GABRB1: variants seen among roughly 807,000 people sequenced by gnomAD.
GABRB1 encodes the protein gamma-aminobutyric acid receptor subunit beta-1.
GABRB1 carries 17 observed loss-of-function variants against 51.6 expected under a neutral mutation model. The observed-to-expected ratio is 0.33, with a 90% CI of 0.23 to 0.49. The LOEUF is 0.49. Among genes scored for constraint, GABRB1 ranks in the 20% least tolerant of loss-of-function variants. The probability of loss-of-function intolerance (pLI) is 0.99; values close to 1 mark genes in which losing one functional copy is unlikely to be tolerated. For synonymous variants in GABRB1, 247 were observed against 218.9 expected, an observed-to-expected ratio of 1.13 and a Z score of -1.14; for missense variants, 410 against 600.6, an observed-to-expected ratio of 0.68 and a Z score of 3.32.
chr4:47,013,201 T>G (rs1318255792), intron 1 of GABRB1, among the ~76,000 whole-genome samples: 2 of 151,980 alleles, frequency 1.3e-5, no homozygotes, highest in Non-Finnish European at 2.9e-5. Context: ...CAATTACACC[T>G]GATGGTTTTT....
At chr4:47,056,550 G>A (rs1184268234) in intron 3 of GABRB1, among the ~76,000 whole-genome samples, 1 of 152,126 alleles carries the variant, frequency 6.6e-6, no homozygotes, top group Admixed American at 6.5e-5. Flanking sequence ...TCAAACATGA[G>A]TGAGAAGCAA....
intron 4 of GABRB1, among the ~76,000 whole-genome samples, chr4:47,316,053 A>T (rs931088833): frequency 6.8e-6 from 1 of 146,570 alleles, no homozygotes. Context: ...CTTAAAAATT[A>T]TATAATAAAT....
rs571702324 is a variant in GABRB1, at chr4:47,294,225, A to T, written c.462-25902A>T. Among the ~76,000 whole-genome samples, 27 of 152,328 alleles carry T rather than the reference A, an allele frequency of 1.8e-4. No homozygotes were observed. In the East Asian group the frequency reaches 4.1e-3, roughly 23 times the overall value. On this transcript the variant is annotated intron_variant, in intron 4 of 8. Transcript: ENST00000295454. Reference sequence around the variant, plus strand: ...CATTTCCATCTGAGGTACTGGGTTCATCTCACTAGGGAGTGCCAGACAATG... The same window carrying T: ...CATTTCCATCTGAGGTACTGGGTTCTTCTCACTAGGGAGTGCCAGACAATG...
At chr4:47,165,341 C>G (rs1420351508) in intron 4 of GABRB1, among the ~76,000 whole-genome samples, 1 of 151,920 alleles carries the variant, frequency 6.6e-6, no homozygotes, top group Admixed American at 6.6e-5. Context: ...CTGTTGACTC[C>G]CTCTCTTCAG....
intron 5 of GABRB1, among the ~76,000 whole-genome samples, chr4:47,374,755 GT>G (rs998278484): frequency 7.2e-5 from 11 of 151,906 alleles, no homozygotes; most frequent in Admixed American, 3.9e-4. Flanking sequence ...CTGAAGGCAA[GT>G]TTTTTTTTCC....
Position 47,006,845 on chromosome 4 carries a change from C to T in GABRB1, c.-20+12919C>T, listed in dbSNP as rs527397814. On this transcript the variant is annotated intron_variant, in intron 1 of 3. Coordinates refer to the GABRB1 transcript ENST00000513567. ...CCACACTGAATAACAAAACCAATCT[C>T]AAGTTTACTTAAAAGAGATAAACTT... Among the ~76,000 whole-genome samples, 4 of 152,240 alleles carry T rather than the reference C, an allele frequency of 2.6e-5. No individual in the cohort carries two copies. The South Asian group carries it at 8.3e-4, about 32-fold the overall frequency.
chr4:47,077,498 C>A (rs1445330183), intron 3 of GABRB1, among the ~76,000 whole-genome samples: 1 of 151,950 alleles, frequency 6.6e-6, no homozygotes, highest in Non-Finnish European at 1.5e-5. Context: ...CTTAAATATG[C>A]CTTTGAGACA....
intron 3 of GABRB1, among the ~76,000 whole-genome samples, chr4:47,096,454 T>C (rs1453805227): frequency 6.6e-6 from 1 of 152,136 alleles, no homozygotes; most frequent in African/African-American, 2.4e-5. Context: ...AAATAGACGG[T>C]AGATTGCAGT....
At chr4:47,041,787 C>G (rs1725856476) in intron 3 of GABRB1, among the ~76,000 whole-genome samples, 1 of 152,058 alleles carries the variant, frequency 6.6e-6, no homozygotes, top group Non-Finnish European at 1.5e-5. Context: ...CAATGACATT[C>G]ATTTGGAATC....
At chr4:47,404,277 T>C (rs1728494814) in intron 7 of GABRB1, among the ~76,000 whole-genome samples, 1 of 152,156 alleles carries the variant, frequency 6.6e-6, no homozygotes, top group African/African-American at 2.4e-5. Flanking sequence ...AATGATTTCC[T>C]TCTTGGGGGA....
intron 3 of GABRB1, among the ~76,000 whole-genome samples, chr4:47,102,771 T>A (rs553071456): frequency 6.6e-6 from 1 of 151,670 alleles, no homozygotes; most frequent in Non-Finnish European, 1.5e-5. Flanking sequence ...AGCATCAGAG[T>A]AGGATAGTCA....
chr4:47,008,873 T>TTTTTTTTTTTTTTTTTTTTTTTTTTTG (rs1560494518), intron 1 of GABRB1, among the ~76,000 whole-genome samples: 1 of 102,108 alleles, frequency 9.8e-6, no homozygotes, highest in East Asian at 2.9e-4. Flanking sequence ...TTTTTTTTTT[T>TTTTTTTTTTTTTTTTTTTTTTTTTTTG]TTTTTTTTTG....
chr4:47,272,477 G>T (rs1307155127), intron 4 of GABRB1, among the ~76,000 whole-genome samples: 1 of 151,962 alleles, frequency 6.6e-6, no homozygotes, highest in Non-Finnish European at 1.5e-5. Context: ...TATAATTCAT[G>T]CTTCTTTTTT....
At chr4:47,026,108 A>T (rs1396060736) in intron 1 of GABRB1, among the ~76,000 whole-genome samples, 1 of 152,020 alleles carries the variant, frequency 6.6e-6, no homozygotes, top group South Asian at 2.1e-4. Context: ...TGAATTCAGG[A>T]AGTTTGAGAT....
chr4:47,125,691 G>A (rs1716099789), intron 3 of GABRB1, among the ~76,000 whole-genome samples: 1 of 146,264 alleles, frequency 6.8e-6, no homozygotes. Context: ...AAGTAGCTGG[G>A]ACTACAGGCG....
Position 47,303,634 on chromosome 4 carries a change from CAA to C in GABRB1, c.462-16489_462-16488del, listed in dbSNP as rs1357883785. Among the ~76,000 whole-genome samples the C allele has an allele frequency of 3.3e-5, 5 of 151,946 alleles. No individual in the cohort carries two copies. In the East Asian group the frequency reaches 9.6e-4, roughly 29 times the overall value. ...CTTTTTATCATTTATTTTTAACTGA[CAA>C]AAATTGTTTATATTTATTATGTACA... On this transcript the variant is annotated intron_variant, in intron 4 of 8. Coordinates refer to ENST00000295454, the MANE Select transcript of GABRB1 (RefSeq NM_000812.4).
intron 4 of GABRB1, among the ~76,000 whole-genome samples, chr4:47,276,239 T>G (rs1303746006): frequency 6.6e-6 from 1 of 152,146 alleles, no homozygotes; most frequent in South Asian, 2.1e-4. Flanking sequence ...AACATGCAAG[T>G]CATTAAATGT....
chr4:47,001,805 G>A (rs898791178), intron 1 of GABRB1, among the ~76,000 whole-genome samples: 7 of 152,126 alleles, frequency 4.6e-5, no homozygotes, highest in African/African-American at 1.2e-4. Context: ...ACAGTTGTAC[G>A]GGGATATAAA....
intron 5 of GABRB1, among the ~76,000 whole-genome samples, chr4:47,381,137 A>G (rs897309359): frequency 3.3e-5 from 5 of 152,078 alleles, no homozygotes; most frequent in Middle Eastern, 6.4e-3. Flanking sequence ...CCTGAAGTCT[A>G]TTGTAAGCTC....
Sources: allele counts gnomAD v4.1 joint callset (sites outside exome capture counted in the v4.1 genomes callset), GRCh38; gene constraint gnomAD v4.1.1; transcripts MANE v1.5; gene names NCBI Gene and HGNC (gene_info 2026-07-23, HGNC 2026-07-21).